Variants in DACH2 observed in about 807,000 individuals in gnomAD.
The protein encoded by DACH2 is dachshund homolog 2.
In DACH2, 17 loss-of-function variants were observed where a neutral mutation model predicts 35.8. The ratio of observed to expected loss-of-function variants is 0.48; its 90% CI spans 0.33 to 0.71. The LOEUF is 0.71. DACH2 is among the 30% of genes least tolerant of loss of function. DACH2 has a pLI of 0.02. For synonymous variants in DACH2, 195 were observed against 177.3 expected (o/e 1.10, Z -0.79); for missense variants, 469 against 472.7 (o/e 0.99, Z 0.07).
chrX:86,553,738 A>T (rs2039080490), intron 3 of DACH2, among the ~76,000 whole-genome samples: 1 of 112,053 alleles, frequency 8.9e-6, no homozygotes, highest in Non-Finnish European at 1.9e-5. Flanking sequence ...ATTTCAAATG[A>T]TCAACTATAA....
chrX:86,693,220 A>C (rs937474736), intron 4 of DACH2, among the ~76,000 whole-genome samples: 1 of 111,999 alleles, frequency 8.9e-6, no homozygotes, highest in Admixed American at 9.5e-5. Flanking sequence ...ATTCAACCAA[A>C]TTTCCTACAT....
chrX:86,444,302 C>A (rs986689657), intron 2 of DACH2, among the ~76,000 whole-genome samples: 3 of 110,941 alleles, frequency 2.7e-5, no homozygotes, highest in African/African-American at 9.8e-5. Flanking sequence ...GTTGCCCAGG[C>A]TGATCTCAAA....
At chrX:86,360,015 G>T (rs910180640) in intron 1 of DACH2, among the ~76,000 whole-genome samples, 1 of 109,133 alleles carries the variant, frequency 9.2e-6, no homozygotes, top group Non-Finnish European at 1.9e-5. Flanking sequence ...CTGAGTAGCT[G>T]GGACCATACA....
chrX:86,504,287 A>G, intron 2 of DACH2, among the ~76,000 whole-genome samples: 1 of 110,513 alleles, frequency 9.0e-6, no homozygotes, highest in Non-Finnish European at 1.9e-5. Context: ...TTGAGTCCAC[A>G]GTTTATTTCT....
intron 2 of DACH2, among the ~76,000 whole-genome samples, chrX:86,409,355 G>A (rs1385644041): frequency 9.0e-6 from 1 of 111,250 alleles, no homozygotes; most frequent in African/African-American, 3.3e-5. Flanking sequence ...TAGTTTGGAT[G>A]TGTGTCCCCG....
chrX:86,524,077 A>C (rs1412945128), intron 3 of DACH2, among the ~76,000 whole-genome samples: 2 of 112,686 alleles, frequency 1.8e-5, no homozygotes, highest in East Asian at 5.6e-4. Flanking sequence ...TATGCCCAGG[A>C]ATGACCAAGG....
At chrX:86,575,564 T>C (rs983898087) in intron 3 of DACH2, among the ~76,000 whole-genome samples, 20 of 112,022 alleles carry the variant, frequency 1.8e-4, no homozygotes, top group African/African-American at 4.9e-4. Context: ...TATAACATAA[T>C]TGTTCATAGG....
chrX:86,445,639 T>A (rs752831535), intron 2 of DACH2, among the ~76,000 whole-genome samples: 2 of 108,296 alleles, frequency 1.8e-5, no homozygotes, highest in South Asian at 4.1e-4. Flanking sequence ...TAATGAGCAT[T>A]TTTACAAATT....
chrX:86,646,693 T>A (rs1341159521), intron 3 of DACH2, among the ~76,000 whole-genome samples: 1 of 109,959 alleles, frequency 9.1e-6, no homozygotes. Flanking sequence ...ATCATATATA[T>A]AACAAAGGGT....
intron 3 of DACH2, among the ~76,000 whole-genome samples, chrX:86,571,387 G>T (rs1221217452): frequency 9.1e-6 from 1 of 110,251 alleles, no homozygotes; most frequent in African/African-American, 3.3e-5. Flanking sequence ...ATGTTGGTGT[G>T]CTGCACCCAT....
At chrX:86,223,564 T>C (rs942323650) in intron 1 of DACH2, among the ~76,000 whole-genome samples, 2 of 111,936 alleles carry the variant, frequency 1.8e-5, no homozygotes, top group Non-Finnish European at 3.8e-5. Flanking sequence ...TGTGTATGTA[T>C]AGTAATGAAC....
intron 1 of DACH2, among the ~76,000 whole-genome samples, chrX:86,153,172 C>T (rs1411529328): frequency 9.0e-6 from 1 of 110,919 alleles, no homozygotes; most frequent in Non-Finnish European, 1.9e-5. Flanking sequence ...CTTGAAGAAA[C>T]AAGAAAGTAT....
intron 6 of DACH2, among the ~76,000 whole-genome samples, chrX:86,721,694 C>T (rs2041408776): frequency 9.0e-6 from 1 of 111,514 alleles, no homozygotes; most frequent in Non-Finnish European, 1.9e-5. Context: ...GCACTATCTC[C>T]ATACAATTTA....
At chrX:86,769,641 A>G (rs184129873) in intron 7 of DACH2, among the ~76,000 whole-genome samples, 65 of 111,789 alleles carry the variant, frequency 5.8e-4, no homozygotes, top group African/African-American at 2.0e-3. Flanking sequence ...TTTAAATTCT[A>G]GGTGCATGTA....
At chrX:86,294,194 G>C (rs192062256) in intron 1 of DACH2, among the ~76,000 whole-genome samples, 27 of 111,045 alleles carry the variant, frequency 2.4e-4, no homozygotes, top group Middle Eastern at 4.6e-3. Flanking sequence ...TCACTGATAC[G>C]CTTTCTTCCA....
intron 5 of DACH2, among the ~76,000 whole-genome samples, chrX:86,698,811 C>T (rs2041105432): frequency 9.1e-6 from 1 of 110,045 alleles, no homozygotes; most frequent in Admixed American, 9.8e-5. Flanking sequence ...GCTGGGAATA[C>T]AGGCATGAGC....
chrX:86,826,060 T>C (rs1321248654), intron 11 of DACH2, among the ~76,000 whole-genome samples: 3 of 111,812 alleles, frequency 2.7e-5, no homozygotes, highest in African/African-American at 9.7e-5. Flanking sequence ...TGTTTTCTAA[T>C]GTTGATTTCA....
At chrX:86,184,281 C>T (rs534731638) in intron 1 of DACH2, 3 of 147,737 alleles carry the variant, frequency 2.0e-5, no homozygotes, top group East Asian at 2.7e-4. Context: ...GATCTTGGCT[C>T]GCTGCAACTT....
intron 2 of DACH2, chrX:86,481,869 C>T (rs1361533034): frequency 8.9e-6 from 1 of 112,230 alleles, no homozygotes; most frequent in African/African-American, 3.2e-5. Context: ...GATCAATTTT[C>T]TCTGTTGCCA....
Sources: gnomAD v4.1 joint callset for allele counts (sites outside exome capture counted in the v4.1 genomes callset) on GRCh38, gnomAD v4.1.1 for gene constraint, MANE v1.5 for transcripts, NCBI Gene and HGNC (gene_info 2026-07-23, HGNC 2026-07-21) for gene names.